Variants in MRAP2 observed in about 807,000 individuals in gnomAD.
MRAP2 encodes the protein melanocortin-2 receptor accessory protein 2.
A neutral mutation model predicts 17.4 loss-of-function variants in MRAP2; 20 were observed. That is an observed-to-expected ratio of 1.15 (90% CI 0.81 to 1.67). The LOEUF is 1.67. MRAP2 is among the 40% of genes most tolerant of loss of function. The pLI, the probability that MRAP2 is intolerant of heterozygous loss-of-function variation, is 0.00. For synonymous variants in MRAP2, 96 were observed against 88.4 expected (o/e 1.09, Z -0.48); for missense variants, 238 against 240.0 (o/e 0.99, Z 0.05).
At chr6:84,114,199 T>A in the MRAP2 span, among the ~76,000 whole-genome samples, 2 of 152,200 alleles carry the variant, frequency 1.3e-5, no homozygotes, top group African/African-American at 4.8e-5. Flanking sequence ...ATTCTCCCCC[T>A]CACTTCAGGT....
At chr6:84,141,428 C>A in the MRAP2 span, among the ~76,000 whole-genome samples, 1 of 152,032 alleles carries the variant, frequency 6.6e-6, no homozygotes, top group East Asian at 1.9e-4. Flanking sequence ...GCTATAAATT[C>A]CTCCTTACCT....
chr6:84,042,039 C>T (rs1407069024), intron 1 of MRAP2, among the ~76,000 whole-genome samples: 1 of 152,136 alleles, frequency 6.6e-6, no homozygotes, highest in Non-Finnish European at 1.5e-5. Flanking sequence ...TCATAATCCC[C>T]ATGTGTTGTG....
chr6:84,093,318 T>C (rs2099502104), downstream of MRAP2, among the ~76,000 whole-genome samples: 1 of 152,090 alleles, frequency 6.6e-6, no homozygotes, highest in African/African-American at 2.4e-5. Flanking sequence ...TGTAGGAACT[T>C]GACTCACCGA....
the MRAP2 span, chr6:84,126,447 G>A: frequency 6.9e-6 from 11 of 1,589,972 alleles, no homozygotes; most frequent in East Asian, 6.8e-5. Context: ...CTAAGCCCAC[G>A]AAATGTTTCA....
At chr6:84,091,679 G>A (rs763484757), downstream of MRAP2, among the ~76,000 whole-genome samples, 3 of 152,140 alleles carry the variant, frequency 2.0e-5, no homozygotes, top group Non-Finnish European at 4.4e-5. Flanking sequence ...ATACTTAAAC[G>A]TCAGACAAAT....
At chr6:84,103,502 C>A in the MRAP2 span, among the ~76,000 whole-genome samples, 1 of 152,118 alleles carries the variant, frequency 6.6e-6, no homozygotes, top group African/African-American at 2.4e-5. Flanking sequence ...CATGAGATTG[C>A]AAAGGTATGA....
At chr6:84,052,773 C>T in intron 1 of MRAP2, 1 of 984,416 alleles carries the variant, frequency 1.0e-6, no homozygotes, top group Non-Finnish European at 1.2e-6. Context: ...GAATGAGAAC[C>T]TCCTGTAGGC....
chr6:84,121,644 A>G, the MRAP2 span, among the ~76,000 whole-genome samples: 11 of 152,206 alleles, frequency 7.2e-5, no homozygotes, highest in Non-Finnish European at 1.5e-4. Context: ...ACTCCGTCTC[A>G]AAAACAAACA....
the MRAP2 span, among the ~76,000 whole-genome samples, chr6:84,118,664 C>T: frequency 3.0e-4 from 45 of 152,314 alleles, no homozygotes; most frequent in African/African-American, 1.0e-3. Context: ...GACTCCATCC[C>T]TTCTCAGGCA....
chr6:84,063,081 G>T, intron 3 of MRAP2, 89 bp downstream of exon 3: 2 of 1,578,712 alleles, frequency 1.3e-6, no homozygotes, highest in Non-Finnish European at 1.7e-6. Flanking sequence ...GGTGCTTCCC[G>T]TGGATGAAGA....
the MRAP2 span, among the ~76,000 whole-genome samples, chr6:84,103,127 G>A: frequency 6.6e-6 from 1 of 152,186 alleles, no homozygotes; most frequent in Non-Finnish European, 1.5e-5. Flanking sequence ...GAAACATAGT[G>A]AGTAGGCAGC....
upstream of MRAP2, among the ~76,000 whole-genome samples, chr6:84,033,297 T>C (rs901899771): frequency 1.3e-5 from 2 of 152,152 alleles, no homozygotes; most frequent in Non-Finnish European, 2.9e-5. Context: ...TGCTAGCCCT[T>C]TGGGACCCCG....
the MRAP2 span, among the ~76,000 whole-genome samples, chr6:84,127,286 CTT>C: frequency 9.9e-5 from 15 of 152,130 alleles, no homozygotes; most frequent in Non-Finnish European, 1.6e-4. Flanking sequence ...AACAATAACT[CTT>C]GTTTTCTATG....
At chr6:84,113,333 C>G in the MRAP2 span, among the ~76,000 whole-genome samples, 1 of 152,178 alleles carries the variant, frequency 6.6e-6, no homozygotes, top group African/African-American at 2.4e-5. Context: ...GATCCCTTTA[C>G]CATTATGTAA....
chr6:84,085,323 G>T (rs1049190196), intron 3 of MRAP2, among the ~76,000 whole-genome samples: 7 of 152,026 alleles, frequency 4.6e-5, no homozygotes, highest in Non-Finnish European at 8.8e-5. Context: ...CAAAGTGCTG[G>T]GATTACAGGC....
At chr6:84,036,244 G>A (rs992237520) in intron 1 of MRAP2, among the ~76,000 whole-genome samples, 23 of 151,744 alleles carry the variant, frequency 1.5e-4, no homozygotes, top group African/African-American at 5.1e-4. Flanking sequence ...AGAGTATGAG[G>A]GTTCATCATG....
intron 2 of MRAP2, among the ~76,000 whole-genome samples, chr6:84,060,028 C>G (rs2099492691): frequency 6.6e-6 from 1 of 152,134 alleles, no homozygotes; most frequent in Non-Finnish European, 1.5e-5. Flanking sequence ...AGAAAATCCC[C>G]TGGGGATGGG....
intron 1 of MRAP2, among the ~76,000 whole-genome samples, chr6:84,050,753 C>G (rs900963388): frequency 2.0e-5 from 3 of 152,190 alleles, no homozygotes; most frequent in Non-Finnish European, 4.4e-5. Flanking sequence ...TGGGCCAGAT[C>G]AGAGGTTGGT....
Position 84,062,951 on chromosome 6 carries a change from T to A in MRAP2, c.186T>A (p.Phe62Leu). Residue 62 changes from phenylalanine to leucine, a missense_variant, in exon 3 of 4, where the codon TTT becomes TTA. Coordinates refer to ENST00000257776, the MANE Select transcript of MRAP2 (RefSeq NM_138409.4). ...GLAVFVIFMFFVLTLLTKTGA... is the reference protein window; with the variant it reads ...GLAVFVIFMFLVLTLLTKTGA... ...CAGTCTTCGTGATTTTTATGTTTTT[T>A]GTGCTGACCTTGCTGACCAAGACAG... is the stretch of plus-strand genomic sequence containing the variant. 1 of 1,614,212 alleles carries A rather than the reference T, an allele frequency of 6.2e-7. No individual in the cohort carries two copies. The highest frequency in any genetic ancestry group is 8.5e-7 in the Non-Finnish European group (1 of 1,180,028).
Sources: allele counts gnomAD v4.1 joint callset (sites outside exome capture counted in the v4.1 genomes callset), GRCh38; gene constraint gnomAD v4.1.1; transcripts MANE v1.5; gene names NCBI Gene and HGNC (gene_info 2026-07-23, HGNC 2026-07-21).